The following RAD18 variants were observed in gnomAD, a reference collection of about 807,000 sequenced individuals.
RAD18 encodes RAD18 E3 ubiquitin protein ligase.
Under a neutral mutation model 60.4 loss-of-function variants are expected in RAD18, and 47 were observed. The observed-to-expected ratio is 0.78, with a 90% CI of 0.62 to 0.99. RAD18 has a LOEUF of 0.99. Among genes scored for constraint, RAD18 ranks in the 50% least tolerant of loss-of-function variants. RAD18 has a pLI of 0.00. For synonymous variants in RAD18, 225 were observed against 195.5 expected (o/e 1.15, Z -1.26); for missense variants, 640 against 593.3 (o/e 1.08, Z -0.82).
At chr3:8,887,867 G>C (rs898646011) in intron 12 of RAD18, among the ~76,000 whole-genome samples, 1 of 152,162 alleles carries the variant, frequency 6.6e-6, no homozygotes, top group African/African-American at 2.4e-5. Context: ...TCAATTCTCA[G>C]AGACAGCAAC....
intron 6 of RAD18, 42 bp downstream of exon 6, chr3:8,939,512 A>G (rs1940709205): frequency 4.6e-6 from 7 of 1,509,936 alleles, no homozygotes; most frequent in Non-Finnish European, 6.4e-6. Context: ...CACAAGAGGC[A>G]CCCAGCTAAA....
chr3:8,905,419 G>A (rs539251577), intron 9 of RAD18, among the ~76,000 whole-genome samples: 9 of 152,266 alleles, frequency 5.9e-5, no homozygotes, highest in Admixed American at 4.6e-4. Flanking sequence ...CCAGAACCCA[G>A]TGGTACAAAA....
intron 4 of RAD18, among the ~76,000 whole-genome samples, chr3:8,944,073 A>C (rs1940800247): frequency 6.6e-6 from 1 of 152,294 alleles, no homozygotes; most frequent in East Asian, 1.9e-4. Context: ...ACAAGAAATA[A>C]ATGAGAGAAA....
chr3:8,944,200 T>C (rs1940802439), intron 4 of RAD18, among the ~76,000 whole-genome samples: 1 of 152,154 alleles, frequency 6.6e-6, no homozygotes, highest in Non-Finnish European at 1.5e-5. Context: ...TTAGATAAAA[T>C]GGACAAATTC....
At chr3:8,927,262 C>T (rs1940458272) in intron 7 of RAD18, among the ~76,000 whole-genome samples, 1 of 152,190 alleles carries the variant, frequency 6.6e-6, no homozygotes, top group Admixed American at 6.5e-5. Context: ...TACGAACAGA[C>T]ACTTCTCAAA....
chr3:8,909,465 T>A (rs1042327465), intron 9 of RAD18, among the ~76,000 whole-genome samples: 5 of 151,352 alleles, frequency 3.3e-5, no homozygotes, highest in African/African-American at 1.2e-4. Context: ...ACTCGGGGGA[T>A]ATTTAGAAGA....
intron 7 of RAD18, among the ~76,000 whole-genome samples, chr3:8,925,838 A>G (rs1404936092): frequency 6.6e-6 from 1 of 152,254 alleles, no homozygotes; most frequent in Non-Finnish European, 1.5e-5. Flanking sequence ...AGATGCAGAA[A>G]AGGCATTTGA....
intron 11 of RAD18, among the ~76,000 whole-genome samples, chr3:8,898,312 G>A (rs1004225077): frequency 2.0e-5 from 3 of 151,916 alleles, no homozygotes; most frequent in African/African-American, 7.3e-5. Context: ...CCAACCTATA[G>A]AAACGTAACA....
At chr3:8,894,813 T>C (rs1939757765) in intron 11 of RAD18, among the ~76,000 whole-genome samples, 1 of 145,726 alleles carries the variant, frequency 6.9e-6, no homozygotes, top group Non-Finnish European at 1.5e-5. Flanking sequence ...CAGGCTGGAG[T>C]GCAGTGGCGC....
At chr3:8,961,838 C>G (rs570028743) in intron 1 of RAD18, among the ~76,000 whole-genome samples, 1 of 152,260 alleles carries the variant, frequency 6.6e-6, no homozygotes, top group East Asian at 1.9e-4. Context: ...GAACCCGCCT[C>G]TAAAGAACAC....
At chr3:8,889,578 T>C (rs1939646582) in intron 12 of RAD18, among the ~76,000 whole-genome samples, 1 of 152,070 alleles carries the variant, frequency 6.6e-6, no homozygotes, top group South Asian at 2.1e-4. Context: ...GGGTGTAAAC[T>C]AGATGAAAAA....
At position 8,877,653 on chromosome 3, in the gene RAD18, G is replaced by C. The variant is rs1055353278; in HGVS notation, c.*3704C>G. The stretch of plus-strand genomic sequence containing the variant: ...CCTCTCTTTTGTTGCACTCATCACA[G>C]TTGTACATTAATCTATATAATTACT... On this transcript the variant is annotated 3_prime_UTR_variant, in exon 13 of 13. Coordinates refer to ENST00000264926, the MANE Select transcript of RAD18 (RefSeq NM_020165.4). 2.0e-5 allele frequency: 3 copies of C among 152,242 alleles called. No homozygotes were observed. The highest frequency in any genetic ancestry group is 7.2e-5 in the African/African-American group (3 of 41,456). 9.4% of individuals were successfully genotyped at this position (152,242 alleles called of 1,614,324 possible).
intron 7 of RAD18, among the ~76,000 whole-genome samples, chr3:8,929,701 G>T (rs1940517326): frequency 6.6e-6 from 1 of 151,438 alleles, no homozygotes; most frequent in Non-Finnish European, 1.5e-5. Context: ...TAGTGCAATG[G>T]CACGATCTCA....
At chr3:8,931,310 T>C (rs1940548491) in intron 7 of RAD18, among the ~76,000 whole-genome samples, 1 of 152,078 alleles carries the variant, frequency 6.6e-6, no homozygotes, top group Non-Finnish European at 1.5e-5. Flanking sequence ...ACAAAATACA[T>C]GGAACACACA....
Position 8,923,682 on chromosome 3 carries a change from C to A in RAD18, c.890-9962G>T, listed in dbSNP as rs546464571. On this transcript the variant is annotated intron_variant, in intron 7 of 12. Transcript: ENST00000264926. ...CCAGAGAGAAAGGTCGGGTTACCCA[C>A]AAAGGGAAGCCCATCAGACTAACAG... Among the ~76,000 whole-genome samples, 5 of 152,246 alleles carry A rather than the reference C, an allele frequency of 3.3e-5. 1 individual carries two copies. The highest frequency in any genetic ancestry group is 5.9e-5 in the Non-Finnish European group (4 of 68,018).
intron 9 of RAD18, among the ~76,000 whole-genome samples, chr3:8,910,874 G>A (rs1940094768): frequency 6.6e-6 from 1 of 152,138 alleles, no homozygotes; most frequent in African/African-American, 2.4e-5. Context: ...TTTATAAATT[G>A]TAAGGTAATT....
At position 8,899,033 on chromosome 3, in the gene RAD18, T is replaced by C. The variant is rs75526532; in HGVS notation, c.1183A>G (p.Met395Val). The stretch of plus-strand genomic sequence containing the variant: ...GAAAAGTGGTTTGTTACTGAGGTCA[T>C]ATTATCTTCCTGTCCTAGGAAAAAA... ...SSVCMGQEDN[M>V]TSVTNHFSQS... The change falls in exon 11 of 13, where the codon ATG becomes GTG. Residue 395 changes from methionine (M) to valine (V), a missense_variant. Met to Val is a conservative substitution (Grantham distance 21, BLOSUM62 1). Transcript: ENST00000264926. 4 of 1,597,074 alleles carry C rather than the reference T, an allele frequency of 2.5e-6. No homozygotes were observed. Among genetic ancestry groups the C allele is most frequent in the Non-Finnish European group, 3.4e-6 (4 of 1,172,308 alleles).
At chr3:8,914,910 G>A (rs184042310) in intron 7 of RAD18, among the ~76,000 whole-genome samples, 8 of 152,190 alleles carry the variant, frequency 5.3e-5, no homozygotes, top group South Asian at 2.1e-4. Flanking sequence ...AGGCCGAAGC[G>A]GGTGGATCAC....
rs77271419 is a variant in RAD18, at chr3:8,928,114, A to G, written c.889+7757T>C. Among the ~76,000 whole-genome samples the G allele has an allele frequency of 2.3e-3, 345 of 152,134 alleles. 7 individuals are homozygous for G. The East Asian group carries it at 0.041, about 18-fold the overall frequency. Reference sequence around the variant, plus strand: ...TCCATTATACATGAAGTAGTGTACTATTCATTGAAGGTAGACTGAGATAAG... The same window carrying G: ...TCCATTATACATGAAGTAGTGTACTGTTCATTGAAGGTAGACTGAGATAAG... On this transcript the variant is annotated intron_variant, in intron 7 of 12. Transcript: ENST00000264926.
Sources: gnomAD v4.1 joint callset for allele counts (sites outside exome capture counted in the v4.1 genomes callset) on GRCh38, gnomAD v4.1.1 for gene constraint, MANE v1.5 for transcripts, NCBI Gene and HGNC (gene_info 2026-07-23, HGNC 2026-07-21) for gene names.